The following PCM1 variants were observed in gnomAD, a reference collection of about 807,000 sequenced individuals.
The protein encoded by PCM1 is pericentriolar material 1, also known as pericentriolar material 1 protein.
Under a neutral mutation model 241.9 loss-of-function variants are expected in PCM1, and 157 were observed. The observed-to-expected ratio is 0.65, with a 90% CI of 0.57 to 0.74. PCM1 has a LOEUF of 0.74. Ranked by LOEUF, PCM1 falls within the 30% of genes least tolerant of loss-of-function variation. The probability of loss-of-function intolerance (pLI) is 0.00; values close to 1 mark genes in which losing one functional copy is unlikely to be tolerated. For synonymous variants in PCM1, 1,085 were observed against 784.9 expected (o/e 1.38, Z -6.39); for missense variants, 3,478 against 2,360.1 (o/e 1.47, Z -9.81).
chr8:18,000,823 A>G (rs546539512), intron 29 of PCM1, among the ~76,000 whole-genome samples: 4 of 152,194 alleles, frequency 2.6e-5, no homozygotes, highest in African/African-American at 4.8e-5. Flanking sequence ...GTGTTTCCCT[A>G]TGTTGACCAC....
chr8:18,011,600 G>C, intron 33 of PCM1, 67 bp from the exon 34 acceptor site: 3 of 1,397,050 alleles, frequency 2.1e-6, no homozygotes, highest in South Asian at 1.4e-5. Context: ...CAGGAATGCA[G>C]TAAGTGGTAG....
chr8:17,986,357 G>T, intron 26 of PCM1: 1 of 212,880 alleles, frequency 4.7e-6, no homozygotes. Context: ...TATAGGGGCT[G>T]ACTCTTAAAA....
Position 17,985,220 on chromosome 8 carries a change from TATTC to T in PCM1, c.4109-223_4109-220del, listed in dbSNP as rs772321589. Among the ~76,000 whole-genome samples, 24 of 151,998 alleles carry T rather than the reference TATTC, an allele frequency of 1.6e-4. 1 individual carries two copies. The highest frequency in any genetic ancestry group is 1.5e-3 in the East Asian group (8 of 5,190). ...GGTTCTTAGTAATGCTAGGTAATGTTATTCATTAAAGTTTCATTTTTAGTATAAA... is the reference window on the plus strand; with the variant it reads ...GGTTCTTAGTAATGCTAGGTAATGTTATTAAAGTTTCATTTTTAGTATAAA... On this transcript the variant is annotated intron_variant, in intron 24 of 38. Coordinates refer to ENST00000325083, the MANE Select transcript of PCM1 (RefSeq NM_006197.4).
chr8:17,942,316 A>C (rs891863296), intron 6 of PCM1, among the ~76,000 whole-genome samples: 21 of 152,260 alleles, frequency 1.4e-4, no homozygotes, highest in Non-Finnish European at 2.9e-4. Context: ...AAAATACAAA[A>C]ATTAGCTGGG....
At chr8:18,027,120 T>A (rs939333022) in intron 38 of PCM1, among the ~76,000 whole-genome samples, 1 of 152,182 alleles carries the variant, frequency 6.6e-6, no homozygotes, top group Non-Finnish European at 1.5e-5. Flanking sequence ...ATTGTTTTTG[T>A]TTTTCCTGGA....
At chr8:17,981,215 T>A (rs1024540836) in intron 24 of PCM1, among the ~76,000 whole-genome samples, 4 of 152,202 alleles carry the variant, frequency 2.6e-5, no homozygotes, top group Admixed American at 6.5e-5. Flanking sequence ...TCTGTGGCAC[T>A]GAACTGGAGT....
At position 17,943,032 on chromosome 8, in the gene PCM1, A is replaced by G. The variant is rs1400281387; in HGVS notation, c.783+3171A>G. On this transcript the variant is annotated intron_variant, in intron 6 of 38. Coordinates refer to ENST00000325083, the MANE Select transcript of PCM1 (RefSeq NM_006197.4). ...AAAAAAGAGTTTGAATAAAAATACCATTTATAAAAGTGCATGTATCTGTTG... is the reference window on the plus strand; with the variant it reads ...AAAAAAGAGTTTGAATAAAAATACCGTTTATAAAAGTGCATGTATCTGTTG... Among the ~76,000 whole-genome samples the G allele has an allele frequency of 3.3e-5, 5 of 151,892 alleles. No homozygotes were observed. The East Asian group carries it at 5.8e-4, about 18-fold the overall frequency.
intron 13 of PCM1, among the ~76,000 whole-genome samples, chr8:17,958,147 C>T (rs1313571448): frequency 6.6e-6 from 1 of 152,054 alleles, no homozygotes; most frequent in Non-Finnish European, 1.5e-5. Context: ...TGTTGTTTTG[C>T]TGACAACTCT....
intron 26 of PCM1, among the ~76,000 whole-genome samples, chr8:17,988,132 C>T (rs1426347800): frequency 6.6e-6 from 1 of 151,708 alleles, no homozygotes; most frequent in Non-Finnish European, 1.5e-5. Flanking sequence ...GTCTCCTGCT[C>T]CCGATGATAA....
intron 29 of PCM1, among the ~76,000 whole-genome samples, chr8:17,997,900 G>C (rs914025990): frequency 6.6e-6 from 1 of 151,612 alleles, no homozygotes; most frequent in African/African-American, 2.4e-5. Context: ...GCTGGACATG[G>C]TGGTGCGCAC....
rs574054811 is a variant in PCM1, at chr8:17,968,425, G to C, written c.3413-1152G>C. On this transcript the variant is annotated intron_variant, in intron 21 of 38. Transcript: ENST00000325083. ...GGAGTGAAGATTTAGCTGGTGAACA[G>C]AAGGCTGTCATAATAATATGGAAAG... is the stretch of plus-strand genomic sequence containing the variant. Among the ~76,000 whole-genome samples the C allele has an allele frequency of 2.0e-5, 3 of 152,296 alleles. No individual in the cohort carries two copies. The East Asian group carries it at 5.8e-4, about 29-fold the overall frequency.
At chr8:18,018,883 C>T (rs77041388) in intron 36 of PCM1, among the ~76,000 whole-genome samples, 20,699 of 49,536 alleles carry the variant, frequency 0.42, 2,457 homozygotes, top group African/African-American at 0.49. Context: ...TATATATACA[C>T]ACACATATAC....
intron 36 of PCM1, among the ~76,000 whole-genome samples, chr8:18,018,853 T>TACACACACAC (rs1491290530): frequency 4.0e-5 from 1 of 24,720 alleles, no homozygotes; most frequent in Non-Finnish European, 1.3e-4. Flanking sequence ...TGTGTGTGTG[T>TACACACACAC]ATATATATAT....
intron 2 of PCM1, among the ~76,000 whole-genome samples, chr8:17,929,484 T>G (rs1173170475): frequency 1.3e-5 from 2 of 152,210 alleles, no homozygotes; most frequent in Non-Finnish European, 2.9e-5. Context: ...CCGGACAATT[T>G]TATTGGGTGT....
chr8:18,025,338 T>C (rs1185571711), intron 36 of PCM1, 23 bp from the exon 37 acceptor site: 1 of 1,245,084 alleles, frequency 8.0e-7, no homozygotes, highest in South Asian at 1.3e-5. Context: ...GAGTATGTAT[T>C]TTTTTTTTTC....
chr8:17,996,353 G>C (rs1228743603), intron 29 of PCM1, among the ~76,000 whole-genome samples: 1 of 152,128 alleles, frequency 6.6e-6, no homozygotes, highest in East Asian at 1.9e-4. Flanking sequence ...ATTTACCTAT[G>C]TTGAACCATC....
At chr8:17,940,165 G>C in intron 6 of PCM1, 1 of 1,437,034 alleles carries the variant, frequency 7.0e-7, no homozygotes. Context: ...CACGGTAAGC[G>C]GCTTTTTGGT....
chr8:18,026,502 G>T (rs919893394), intron 38 of PCM1, among the ~76,000 whole-genome samples: 1 of 151,176 alleles, frequency 6.6e-6, no homozygotes, highest in African/African-American at 2.4e-5. Flanking sequence ...CTCGTGATCC[G>T]CCTGCCTCAG....
chr8:17,963,546 A>G (rs2073514082), intron 17 of PCM1, among the ~76,000 whole-genome samples: 1 of 152,174 alleles, frequency 6.6e-6, no homozygotes, highest in Non-Finnish European at 1.5e-5. Context: ...AGATTTTCTT[A>G]TGTGTATAAG....
Sources: allele counts gnomAD v4.1 joint callset (sites outside exome capture counted in the v4.1 genomes callset), GRCh38; gene constraint gnomAD v4.1.1; transcripts MANE v1.5; gene names NCBI Gene and HGNC (gene_info 2026-07-23, HGNC 2026-07-21).